PRMT8: variants seen among roughly 807,000 people sequenced by gnomAD.
PRMT8 encodes the protein protein arginine methyltransferase 8, also known as protein arginine N-methyltransferase 8.
A neutral mutation model predicts 47.1 loss-of-function variants in PRMT8; 7 were observed. That is an observed-to-expected ratio of 0.15 (90% confidence interval 0.08 to 0.28). The LOEUF (loss-of-function observed/expected upper bound fraction) is 0.28. Ranked by LOEUF, PRMT8 falls within the 10% of genes least tolerant of loss-of-function variation. The pLI is 1.00. For missense variants in PRMT8, 237 were observed against 505.4 expected (o/e 0.47, Z 5.09); for synonymous variants, 188 against 186.5 (o/e 1.01, Z -0.07).
chr12:3,474,982 G>C (rs1466605311), intron 1 of PRMT8, among the ~76,000 whole-genome samples: 2 of 152,182 alleles, frequency 1.3e-5, no homozygotes, highest in Non-Finnish European at 2.9e-5. Flanking sequence ...CTCTTCTCAG[G>C]CACGGTGGCT....
chr12:3,540,824 G>T (rs750637415), intron 2 of PRMT8, 33 bp downstream of exon 2: 1 of 1,595,150 alleles, frequency 6.3e-7, no homozygotes, highest in East Asian at 2.2e-5. Flanking sequence ...CTAATGGGGC[G>T]AGGCTGACTC....
At chr12:3,386,298 G>T (rs1463878837) in intron 1 of PRMT8, among the ~76,000 whole-genome samples, 1 of 152,198 alleles carries the variant, frequency 6.6e-6, no homozygotes, top group Non-Finnish European at 1.5e-5. Context: ...TTGAGAATAG[G>T]TTTACCTAGG....
chr12:3,508,599 G>A lies in PRMT8; in HGVS notation c.75+16899G>A, dbSNP rs186584446. ...CCTGACTTTGCAGCTGATGTGCTTC[G>A]TTGATTCTGTGAGTTGTGGTGCTGT... On this transcript the variant is annotated intron_variant, in intron 1 of 9. Transcript: ENST00000382622. This position sits in a 1 kb window ranked among gnomAD's most constrained non-coding sequence, Gnocchi z 4.9. Among the ~76,000 whole-genome samples the A allele has an allele frequency of 6.6e-6, 1 of 152,290 alleles. No individual in the cohort carries two copies. The highest frequency in any genetic ancestry group is 1.9e-4 in the East Asian group (1 of 5,194).
Position 3,437,702 on chromosome 12 carries a change from T to C in PRMT8, c.48+56260T>C, listed in dbSNP as rs142954445. ...TGTAGTATACCTAACACGGGGGCTT[T>C]TGGTGTAGGCAGACCTGGGCCTGAA... On this transcript the variant is annotated intron_variant, in intron 1 of 9. Coordinates refer to the PRMT8 transcript ENST00000452611. Among the ~76,000 whole-genome samples the C allele has an allele frequency of 3.8e-3, 573 of 151,812 alleles. 1 individual carries two copies. The highest frequency in any genetic ancestry group is 0.013 in the African/African-American group (554 of 41,274).
chr12:3,564,168 C>G lies in PRMT8; in HGVS notation c.482-4538C>G, dbSNP rs536046367. 6.6e-6 allele frequency among the ~76,000 whole-genome samples: 1 copy of G among 152,018 alleles called. No individual in the cohort carries two copies. The highest frequency in any genetic ancestry group is 1.5e-5 in the Non-Finnish European group (1 of 68,002). ...GCAAGGACCAAGGGAGTGGGGAGGG[C>G]GAGCGAAGGGCTTTGCTGCAGTGGG... On this transcript the variant is annotated intron_variant, in intron 4 of 9. Coordinates refer to ENST00000382622, the MANE Select transcript of PRMT8 (RefSeq NM_019854.5). The surrounding 1 kb of genome is among the most constrained non-coding windows in gnomAD (Gnocchi z 4.0).
intron 1 of PRMT8, among the ~76,000 whole-genome samples, chr12:3,462,094 C>G (rs1865048634): frequency 6.6e-6 from 1 of 151,966 alleles, no homozygotes; most frequent in Non-Finnish European, 1.5e-5. Context: ...CTCTTTGTGT[C>G]CATGTGTTCT....
chr12:3,592,833 A>G (rs750597061), intron 9 of PRMT8, among the ~76,000 whole-genome samples: 3 of 152,188 alleles, frequency 2.0e-5, no homozygotes, highest in Admixed American at 6.5e-5. Context: ...TAACCACCCC[A>G]ATCAGTTTAC....
intron 1 of PRMT8, among the ~76,000 whole-genome samples, chr12:3,405,985 G>A (rs117308161): frequency 2.9e-3 from 439 of 152,340 alleles, no homozygotes; most frequent in Middle Eastern, 0.01. Flanking sequence ...CCCTAGCAGA[G>A]GTTCTTGATG....
At chr12:3,496,860 G>T (rs1001299398) in intron 1 of PRMT8, among the ~76,000 whole-genome samples, 1 of 150,680 alleles carries the variant, frequency 6.6e-6, no homozygotes, top group African/African-American at 2.4e-5. Context: ...TCCTCCCTCC[G>T]CAAACACTGA....
intron 1 of PRMT8, among the ~76,000 whole-genome samples, chr12:3,467,877 C>G (rs1865119349): frequency 6.6e-6 from 1 of 152,142 alleles, no homozygotes; most frequent in African/African-American, 2.4e-5. Flanking sequence ...GAGCTGCCTC[C>G]CAGCTGTGGG....
At chr12:3,534,570 C>G (rs1054350501) in intron 1 of PRMT8, among the ~76,000 whole-genome samples, 5 of 152,204 alleles carry the variant, frequency 3.3e-5, no homozygotes, top group African/African-American at 1.2e-4. Flanking sequence ...GGGCCTCAGT[C>G]TCTCCATCTG....
intron 1 of PRMT8, among the ~76,000 whole-genome samples, chr12:3,407,319 C>G (rs1014800231): frequency 6.6e-6 from 1 of 152,106 alleles, no homozygotes; most frequent in Non-Finnish European, 1.5e-5. Context: ...CAAACCATAT[C>G]ATGAAGGATA....
In PRMT8 at chr12:3,565,308, T is replaced by C. The variant is rs1866701238; in HGVS notation, c.482-3398T>C. On this transcript the variant is annotated intron_variant, in intron 4 of 9. Coordinates refer to ENST00000382622, the MANE Select transcript of PRMT8 (RefSeq NM_019854.5). ...AAAATAAAAGAGAGGAGATGTTTGA[T>C]TGAGATTAGCTGTCACCTGGAACAA... Among the ~76,000 whole-genome samples, 3 of 152,208 alleles carry C rather than the reference T, an allele frequency of 2.0e-5. No individual in the cohort carries two copies. In the South Asian group the frequency reaches 6.2e-4, roughly 32 times the overall value.
At chr12:3,537,900 T>C (rs1017220676) in intron 1 of PRMT8, among the ~76,000 whole-genome samples, 4 of 152,212 alleles carry the variant, frequency 2.6e-5, no homozygotes, top group African/African-American at 9.7e-5. Context: ...TGGCCCCTCC[T>C]GTGTGCTGCT....
chr12:3,581,821 C>T (rs1867072957), intron 7 of PRMT8, among the ~76,000 whole-genome samples: 1 of 152,206 alleles, frequency 6.6e-6, no homozygotes, highest in Non-Finnish European at 1.5e-5. Context: ...TTCCCTTAAC[C>T]ACTTTTTCTC....
At chr12:3,484,440 G>A (rs1271539306) in intron 1 of PRMT8, among the ~76,000 whole-genome samples, 1 of 152,232 alleles carries the variant, frequency 6.6e-6, no homozygotes, top group Admixed American at 6.5e-5. Context: ...GACCCCTGCT[G>A]TCATGCTCTT....
Position 3,572,385 on chromosome 12 carries a change from G to A in PRMT8, c.712+2821G>A, listed in dbSNP as rs745368308. ...GAATTTCAAAAATGGAAGGAAACTCGGTGGATGTTCTATTCAATTTCATGC... is the reference window on the plus strand; with the variant it reads ...GAATTTCAAAAATGGAAGGAAACTCAGTGGATGTTCTATTCAATTTCATGC... On this transcript the variant is annotated intron_variant, in intron 6 of 9. Transcript: ENST00000382622. The surrounding 1 kb of genome is among the most constrained non-coding windows in gnomAD (Gnocchi z 5.9). 1.7e-4 allele frequency among the ~76,000 whole-genome samples: 26 copies of A among 152,280 alleles called. No homozygotes were observed. The highest frequency in any genetic ancestry group is 2.6e-4 in the African/African-American group (11 of 41,560).
chr12:3,451,971 C>T (rs1864923521), intron 1 of PRMT8, among the ~76,000 whole-genome samples: 1 of 152,182 alleles, frequency 6.6e-6, no homozygotes, highest in Non-Finnish European at 1.5e-5. Flanking sequence ...GTACAACACC[C>T]AGTCAAAAAC....
At chr12:3,567,715 C>T (rs1460565745) in intron 4 of PRMT8, among the ~76,000 whole-genome samples, 1 of 152,216 alleles carries the variant, frequency 6.6e-6, no homozygotes, top group Non-Finnish European at 1.5e-5. Flanking sequence ...TAATTTTTGA[C>T]TCCCACAAAA....
Sources: allele counts gnomAD v4.1 joint callset (sites outside exome capture counted in the v4.1 genomes callset), GRCh38; gene constraint gnomAD v4.1.1; non-coding constraint Gnocchi (gnomAD v3.1); transcripts MANE v1.5; gene names NCBI Gene and HGNC (gene_info 2026-07-23, HGNC 2026-07-21).